DDAH1: variants seen among roughly 807,000 people sequenced by gnomAD.
DDAH1 encodes the protein N(G),N(G)-dimethylarginine dimethylaminohydrolase 1.
In DDAH1, 19 loss-of-function variants were observed where a neutral mutation model predicts 28.8. That is an observed-to-expected ratio of 0.66 (90% CI 0.46 to 0.97). The LOEUF (loss-of-function observed/expected upper bound fraction) is 0.97, where lower values mean the gene tolerates loss of function less well. Ranked by LOEUF, DDAH1 falls within the 50% of genes least tolerant of loss-of-function variation. The pLI is 0.00. For missense variants in DDAH1, 326 were observed against 375.9 expected (o/e 0.87, Z 1.10); for synonymous variants, 153 against 154.4 (o/e 0.99, Z 0.07).
intron 2 of DDAH1, among the ~76,000 whole-genome samples, chr1:85,477,540 A>C (rs1241448389): frequency 2.6e-5 from 4 of 152,168 alleles, no homozygotes; most frequent in Non-Finnish European, 5.9e-5. Context: ...GTGGAGTTAA[A>C]ATGTAAATCA....
At chr1:85,390,568 T>C (rs967032161) in intron 1 of DDAH1, among the ~76,000 whole-genome samples, 1 of 152,100 alleles carries the variant, frequency 6.6e-6, no homozygotes, top group African/African-American at 2.4e-5. Flanking sequence ...ATGGATATGC[T>C]GGGATGTAAG....
intron 1 of DDAH1, among the ~76,000 whole-genome samples, chr1:85,462,365 T>A (rs1031645432): frequency 6.6e-6 from 1 of 152,022 alleles, no homozygotes; most frequent in African/African-American, 2.4e-5. Flanking sequence ...AGAATTTTAG[T>A]CAGAGAAGGG....
At chr1:85,324,272 A>AAATAATAATAAT (rs71075831) in intron 5 of DDAH1, among the ~76,000 whole-genome samples, 18,093 of 142,120 alleles carry the variant, frequency 0.13, 1,412 homozygotes, top group Admixed American at 0.18. Flanking sequence ...CCTGTCTCAA[A>AAATAATAATAAT]AATAATAATA....
intron 2 of DDAH1, among the ~76,000 whole-genome samples, chr1:85,488,623 G>C (rs1656283684): frequency 2.0e-5 from 3 of 152,254 alleles, no homozygotes; most frequent in Middle Eastern, 3.4e-3. Context: ...CATATAAAGA[G>C]CTTCCCTATT....
rs541908830 is a variant in DDAH1 at position 85,429,922 on chromosome 1, T to G, written c.303+34821A>C. Among the ~76,000 whole-genome samples the G allele has an allele frequency of 8.5e-5, 13 of 152,316 alleles. No individual in the cohort carries two copies. In the East Asian group the frequency reaches 2.5e-3, roughly 29 times the overall value. Reference sequence around the variant, plus strand: ...GGATATTAGCCCTTTGTCAGATGGATAGACTGCAAAAATTTTCTCCCATCC... The same window carrying G: ...GGATATTAGCCCTTTGTCAGATGGAGAGACTGCAAAAATTTTCTCCCATCC... On this transcript the variant is annotated intron_variant, in intron 1 of 5. Coordinates refer to ENST00000284031, the MANE Select transcript of DDAH1 (RefSeq NM_012137.4).
chr1:85,562,188 A>T (rs1659162258), intron 1 of DDAH1, among the ~76,000 whole-genome samples: 1 of 152,194 alleles, frequency 6.6e-6, no homozygotes, highest in African/African-American at 2.4e-5. Context: ...AAAAAACAGA[A>T]AATATGAGAA....
rs1037543398 is a variant in DDAH1 at position 85,342,979 on chromosome 1, A to G, written c.597+7436T>C. Among the ~76,000 whole-genome samples the G allele has an allele frequency of 2.0e-5, 3 of 152,214 alleles. No individual in the cohort carries two copies. In the East Asian group the frequency reaches 5.8e-4, roughly 29 times the overall value. ...CACTAGGAACCACTAATTTAAGGTC[A>G]CTTATAGACTTTTTCTTTCAGAAGT... On this transcript the variant is annotated intron_variant, in intron 4 of 5. Transcript: ENST00000284031.
upstream of DDAH1, chr1:85,465,294 A>G: frequency 1.2e-6 from 1 of 861,960 alleles, no homozygotes; most frequent in Non-Finnish European, 1.4e-6. Flanking sequence ...CCCAGGCGGG[A>G]GTTGTAGCGG....
At chr1:85,476,187 T>C (rs916873611) in intron 2 of DDAH1, among the ~76,000 whole-genome samples, 2 of 152,212 alleles carry the variant, frequency 1.3e-5, no homozygotes, top group African/African-American at 2.4e-5. Context: ...CACGCTTCTT[T>C]ATTTTGCCCT....
chr1:85,430,772 C>T (rs1245988065), intron 1 of DDAH1, among the ~76,000 whole-genome samples: 1 of 152,178 alleles, frequency 6.6e-6, no homozygotes, highest in Non-Finnish European at 1.5e-5. Context: ...GGTTGCTTAT[C>T]AGCTTAGGGA....
intron 1 of DDAH1, among the ~76,000 whole-genome samples, chr1:85,454,019 C>T (rs1654774540): frequency 6.6e-6 from 1 of 152,144 alleles, no homozygotes; most frequent in Non-Finnish European, 1.5e-5. Context: ...TGATGCCTCC[C>T]AGTGTCTGTG....
At chr1:85,474,409 C>G (rs1407021129) in intron 2 of DDAH1, among the ~76,000 whole-genome samples, 4 of 152,184 alleles carry the variant, frequency 2.6e-5, no homozygotes, top group African/African-American at 9.7e-5. Context: ...TGGCCTCTGC[C>G]TACTTGCCAT....
rs549248509 is a variant in DDAH1, at chr1:85,325,358, C to T, written c.598-475G>A. ...ACGTGTGTGCATGCACGTGCGTGCG[C>T]GCGCGCGCGCACACACACACGCTTT... is the stretch of plus-strand genomic sequence containing the variant. On this transcript the variant is annotated intron_variant, in intron 4 of 5. Coordinates refer to ENST00000284031, the MANE Select transcript of DDAH1 (RefSeq NM_012137.4). Among the ~76,000 whole-genome samples the T allele has an allele frequency of 8.7e-3, 1,325 of 151,572 alleles. 23 individuals carry two copies. The highest frequency in any genetic ancestry group is 0.03 in the African/African-American group (1,254 of 41,254).
At chr1:85,384,704 T>C (rs768638584) in intron 1 of DDAH1, among the ~76,000 whole-genome samples, 2 of 152,214 alleles carry the variant, frequency 1.3e-5, no homozygotes, top group Non-Finnish European at 2.9e-5. Flanking sequence ...TGTGACAACA[T>C]TATATAATGT....
intron 1 of DDAH1, among the ~76,000 whole-genome samples, chr1:85,370,072 G>T (rs1650298015): frequency 6.6e-6 from 1 of 152,168 alleles, no homozygotes; most frequent in African/African-American, 2.4e-5. Context: ...AACTCCCAGG[G>T]CTTAAGAATG....
At chr1:85,333,349 T>G (rs765015544) in intron 4 of DDAH1, among the ~76,000 whole-genome samples, 4 of 151,910 alleles carry the variant, frequency 2.6e-5, no homozygotes, top group Non-Finnish European at 4.4e-5. Flanking sequence ...TGAAAACCAA[T>G]CTAAAAAATT....
chr1:85,441,373 T>C (rs941888882), intron 1 of DDAH1, among the ~76,000 whole-genome samples: 1 of 151,970 alleles, frequency 6.6e-6, no homozygotes, highest in Non-Finnish European at 1.5e-5. Flanking sequence ...AAACCCCGTC[T>C]CTACCAAAAT....
intron 1 of DDAH1, among the ~76,000 whole-genome samples, chr1:85,524,284 G>T (rs1490097844): frequency 1.5e-3 from 96 of 64,692 alleles, no homozygotes; most frequent in Non-Finnish European, 2.8e-3. Context: ...ATTATCCCAG[G>T]GTGCTGTGGG....
At chr1:85,409,805 A>G (rs4949902) in intron 1 of DDAH1, among the ~76,000 whole-genome samples, 13,515 of 152,238 alleles carry the variant, frequency 0.089, 632 homozygotes, top group Middle Eastern at 0.13. Flanking sequence ...TTAGTTAAAA[A>G]TCAATTGTGA....
Sources: gnomAD v4.1 joint callset for allele counts (sites outside exome capture counted in the v4.1 genomes callset) on GRCh38, gnomAD v4.1.1 for gene constraint, MANE v1.5 for transcripts, NCBI Gene and HGNC (gene_info 2026-07-23, HGNC 2026-07-21) for gene names.